The following MKX variants were observed in gnomAD, a reference collection of about 807,000 sequenced individuals.
MKX encodes mohawk homeobox, also known as homeobox protein Mohawk.
In MKX, 13 loss-of-function variants were observed where a neutral mutation model predicts 36.0. That is an observed-to-expected ratio of 0.36 (90% confidence interval 0.24 to 0.57). The LOEUF is 0.57. Among genes scored for constraint, MKX ranks in the 20% least tolerant of loss-of-function variants. The pLI, the probability that MKX is intolerant of heterozygous loss-of-function variation, is 0.79. For missense variants in MKX, 458 were observed against 456.4 expected, an observed-to-expected ratio of 1.00 and a Z score of -0.03; for synonymous variants, 176 against 178.3, an observed-to-expected ratio of 0.99 and a Z score of 0.10.
rs551082697 is a variant in MKX, at chr10:27,674,869, C to T, written c.*360G>A. On this transcript the variant is annotated 3_prime_UTR_variant, in exon 7 of 7. Coordinates refer to ENST00000419761, the MANE Select transcript of MKX (RefSeq NM_173576.3). The stretch of plus-strand genomic sequence containing the variant: ...TGGTTTCAGTCCTGGAATGATTAGG[C>T]CCGTCTGGAATGATGCACACAGGCT... The T allele has an allele frequency of 1.5e-3, 256 of 168,384 alleles. 2 individuals carry two copies. The highest frequency in any genetic ancestry group is 5.8e-3 in the African/African-American group (242 of 41,858). The allele number at this position is 168,384 out of a possible 1,614,324, so 10.4% of individuals were successfully genotyped here.
chr10:27,736,316 G>A (rs1173994948), intron 3 of MKX, among the ~76,000 whole-genome samples: 1 of 152,060 alleles, frequency 6.6e-6, no homozygotes, highest in Non-Finnish European at 1.5e-5. Flanking sequence ...AAAGTCAAAT[G>A]TTTCTTAGAC....
chr10:27,698,192 A>T (rs1411383153), intron 5 of MKX, among the ~76,000 whole-genome samples: 1 of 152,200 alleles, frequency 6.6e-6, no homozygotes, highest in Non-Finnish European at 1.5e-5. Context: ...CTGGAAAATG[A>T]ACCGAGAGAG....
rs562909353 is a variant in MKX, at chr10:27,686,933, A to C, written c.839-11379T>G. On this transcript the variant is annotated intron_variant, in intron 5 of 6. Coordinates refer to ENST00000419761, the MANE Select transcript of MKX (RefSeq NM_173576.3). ...CTGGATCCACAGGGTCCTCACCTTCAACTGCCTTTCTGTCAATGCATAGTC... is the reference window on the plus strand; with the variant it reads ...CTGGATCCACAGGGTCCTCACCTTCCACTGCCTTTCTGTCAATGCATAGTC... Among the ~76,000 whole-genome samples, 39 of 152,114 alleles carry C rather than the reference A, an allele frequency of 2.6e-4. No individual in the cohort carries two copies. The South Asian group carries it at 8.1e-3, about 32-fold the overall frequency.
intron 5 of MKX, among the ~76,000 whole-genome samples, chr10:27,699,719 C>T (rs184565793): frequency 2.0e-5 from 3 of 152,324 alleles, no homozygotes; most frequent in Admixed American, 2.0e-4. Context: ...ATGGGATTAA[C>T]TCCCTCAGAA....
intron 5 of MKX, among the ~76,000 whole-genome samples, chr10:27,711,378 TTTTTC>T (rs1375674905): frequency 6.6e-6 from 1 of 152,148 alleles, no homozygotes; most frequent in East Asian, 1.9e-4. Flanking sequence ...AATTGTCACT[TTTTTC>T]TTTTCTTTCT....
At chr10:27,728,690 C>T (rs771463465) in intron 5 of MKX, among the ~76,000 whole-genome samples, 18 of 152,180 alleles carry the variant, frequency 1.2e-4, no homozygotes, top group Non-Finnish European at 1.3e-4. Context: ...TTGAAGCCCA[C>T]GCAGATCCAA....
chr10:27,729,317 A>G (rs1834568776), intron 5 of MKX, among the ~76,000 whole-genome samples: 1 of 122,816 alleles, frequency 8.1e-6, no homozygotes, highest in Non-Finnish European at 1.6e-5. Flanking sequence ...TTTTTGAGAC[A>G]GAGTCTCATT....
chr10:27,685,649 A>G (rs1041042173), intron 5 of MKX, among the ~76,000 whole-genome samples: 4 of 151,940 alleles, frequency 2.6e-5, no homozygotes, highest in African/African-American at 7.3e-5. Flanking sequence ...ACGGGGTTTC[A>G]CCGTGTTAGC....
At chr10:27,679,480 G>A (rs1037287546) in intron 5 of MKX, among the ~76,000 whole-genome samples, 3 of 152,284 alleles carry the variant, frequency 2.0e-5, no homozygotes, top group South Asian at 2.1e-4. Context: ...TTTTCCTGAG[G>A]CTGTTACTGG....
intron 3 of MKX, among the ~76,000 whole-genome samples, chr10:27,738,647 T>C (rs1260060158): frequency 6.6e-6 from 1 of 152,096 alleles, no homozygotes; most frequent in East Asian, 1.9e-4. Flanking sequence ...TCCCATATTT[T>C]ATAGTGAAAG....
rs576127864 is a variant in MKX, at chr10:27,678,241, C to G, written c.839-2687G>C. Among the ~76,000 whole-genome samples the G allele has an allele frequency of 3.9e-4, 59 of 152,176 alleles. 1 individual carries two copies. The South Asian group carries it at 8.3e-3, about 21-fold the overall frequency. On this transcript the variant is annotated intron_variant, in intron 5 of 6. Coordinates refer to ENST00000419761, the MANE Select transcript of MKX (RefSeq NM_173576.3). Reference sequence around the variant, plus strand: ...GGCGCTACCAGAACAGAGAACAAGTCAAGGCTTTCGTTTGGGAGAAGGAAA... The same window carrying G: ...GGCGCTACCAGAACAGAGAACAAGTGAAGGCTTTCGTTTGGGAGAAGGAAA...
chr10:27,729,292 C>CTTT lies in MKX; in HGVS notation c.838+5161_838+5163dup, dbSNP rs57352901. Reference sequence around the variant, plus strand: ...GAGCAACCATTCTAATGCACTAGGCCTTTTTTTTTTTTTTTTTTTGAGACA... The same window carrying CTTT: ...GAGCAACCATTCTAATGCACTAGGCCTTTTTTTTTTTTTTTTTTTTTTGAGACA... On this transcript the variant is annotated intron_variant, in intron 5 of 6. Coordinates refer to ENST00000419761, the MANE Select transcript of MKX (RefSeq NM_173576.3). 6.9e-4 allele frequency among the ~76,000 whole-genome samples: 81 copies of CTTT among 118,042 alleles called. 1 individual carries two copies. Among genetic ancestry groups the CTTT allele is most frequent in the Admixed American group, 9.8e-4 (10 of 10,248 alleles). The allele number at this position is 118,042 out of a possible 152,430, so 77.4% of individuals were successfully genotyped here.
At chr10:27,730,329 T>C (rs1040766116) in intron 5 of MKX, among the ~76,000 whole-genome samples, 59 of 152,226 alleles carry the variant, frequency 3.9e-4, no homozygotes, top group African/African-American at 1.3e-3. Context: ...TGCTTTGATG[T>C]TTCTAGTAAT....
chr10:27,742,341 G>T lies in MKX; in HGVS notation c.189-837C>A, dbSNP rs1347590287. ...CCCAGCCGCTCCCCGAGGCTTGCGC[G>T]CCTGCGCCGGAGCCTCCTGGGTTTC... is the stretch of plus-strand genomic sequence containing the variant. On this transcript the variant is annotated intron_variant, in intron 2 of 6. Transcript: ENST00000419761. This position sits in a 1 kb window ranked among gnomAD's most constrained non-coding sequence, Gnocchi z 4.2. 6.6e-6 allele frequency among the ~76,000 whole-genome samples: 1 copy of T among 152,198 alleles called. No homozygotes were observed. Among genetic ancestry groups the T allele is most frequent in the Non-Finnish European group, 1.5e-5 (1 of 68,014 alleles).
rs886202987 is a variant in MKX at position 27,744,331 on chromosome 10, C to T, written c.-82-834G>A. 2.0e-5 allele frequency among the ~76,000 whole-genome samples: 3 copies of T among 152,150 alleles called. No homozygotes were observed. The highest frequency in any genetic ancestry group is 6.5e-5 in the Admixed American group (1 of 15,284). ...CGCGAGCTCGTAGCCCCTCGACACC[C>T]GCCTCTCTCTGGGGTCTCCGGGGAC... is the stretch of plus-strand genomic sequence containing the variant. On this transcript the variant is annotated intron_variant, in intron 1 of 6. Coordinates refer to ENST00000419761, the MANE Select transcript of MKX (RefSeq NM_173576.3). This position sits in a 1 kb window ranked among gnomAD's most constrained non-coding sequence, Gnocchi z 5.6.
intron 2 of MKX, 55 bp downstream of exon 2, chr10:27,743,173 C>T: frequency 5.8e-6 from 8 of 1,388,620 alleles, no homozygotes; most frequent in Non-Finnish European, 7.5e-6. Flanking sequence ...CACAGCTCAC[C>T]ACCCCCACCC....
In MKX at chr10:27,741,588, C is replaced by G; in HGVS notation, c.189-84G>C. 2 of 1,451,502 alleles carry G rather than the reference C, an allele frequency of 1.4e-6. No homozygotes were observed. Among genetic ancestry groups the G allele is most frequent in the Non-Finnish European group, 1.8e-6 (2 of 1,100,570 alleles). The allele number at this position is 1,451,502 out of a possible 1,614,324, so 89.9% of individuals were successfully genotyped here. The stretch of plus-strand genomic sequence containing the variant: ...TCCACGCCCCGGCCAAGCCCGGGCC[C>G]CGCATCCAAACTGCGCATTCCTGCC... On this transcript the variant is annotated intron_variant, in intron 2 of 6. Transcript: ENST00000419761. The surrounding 1 kb of genome is among the most constrained non-coding windows in gnomAD (Gnocchi z 5.1).
At position 27,715,110 on chromosome 10, in the gene MKX, G is replaced by GGGA. The variant is rs777669379; in HGVS notation, c.838+19345_838+19346insTCC. Reference sequence around the variant, plus strand: ...AAGGAGCAGCTCTCCCCACTAATAAGGAGCCTGTAACCCTTGTTCCATGCA... The same window carrying GGGA: ...AAGGAGCAGCTCTCCCCACTAATAAGGGAGAGCCTGTAACCCTTGTTCCATGCA... On this transcript the variant is annotated intron_variant, in intron 5 of 6. Transcript: ENST00000419761. 4.3e-3 allele frequency among the ~76,000 whole-genome samples: 661 copies of GGGA among 152,290 alleles called. 4 individuals are homozygous for GGGA. Among genetic ancestry groups the GGGA allele is most frequent in the Non-Finnish European group, 4.8e-3 (324 of 68,010 alleles).
In MKX at chr10:27,699,557, G is replaced by A. The variant is rs193009881; in HGVS notation, c.839-24003C>T. Among the ~76,000 whole-genome samples, 237 of 152,274 alleles carry A rather than the reference G, an allele frequency of 1.6e-3. 9 individuals carry two copies. Among genetic ancestry groups the A allele is most frequent in the Admixed American group, 0.013 (197 of 15,302 alleles). ...GCTATTGGCATATGGAACCACAGTT[G>A]TAATCTGTTGAAATGGCACAAAGAC... On this transcript the variant is annotated intron_variant, in intron 5 of 6. Coordinates refer to ENST00000419761, the MANE Select transcript of MKX (RefSeq NM_173576.3).
Sources: allele counts gnomAD v4.1 joint callset (sites outside exome capture counted in the v4.1 genomes callset), GRCh38; gene constraint gnomAD v4.1.1; non-coding constraint Gnocchi (gnomAD v3.1); transcripts MANE v1.5; gene names NCBI Gene and HGNC (gene_info 2026-07-23, HGNC 2026-07-21).